CRY2: variants seen among roughly 807,000 people sequenced by gnomAD.
The protein encoded by CRY2 is cryptochrome circadian regulator 2, also known as cryptochrome-2.
CRY2 carries 31 observed loss-of-function variants against 69.5 expected under a neutral mutation model. That is an observed-to-expected ratio of 0.45 (90% confidence interval 0.34 to 0.60). CRY2 has a LOEUF of 0.60. Among genes scored for constraint, CRY2 ranks in the 20% least tolerant of loss-of-function variants. The pLI is 0.02. For synonymous variants in CRY2, 303 were observed against 312.2 expected (o/e 0.97, Z 0.31); for missense variants, 606 against 797.8 (o/e 0.76, Z 2.90).
chr11:45,882,782 G>A lies in CRY2; in HGVS notation c.*1871G>A. On this transcript the variant is annotated 3_prime_UTR_variant, in exon 12 of 12. Transcript: ENST00000616080. ...AAATCTGAGAGTGGGAAGGCCAAAG[G>A]CCGAGGCCCAGATTTAGTATTCACT... 2.5e-6 allele frequency: 1 copy of A among 398,608 alleles called. No individual in the cohort carries two copies. 24.7% of individuals were successfully genotyped at this position (398,608 alleles called of 1,614,324 possible).
At chr11:45,848,104 C>T (rs1272912844) in intron 1 of CRY2, among the ~76,000 whole-genome samples, 1 of 152,074 alleles carries the variant, frequency 6.6e-6, no homozygotes, top group African/African-American at 2.4e-5. Flanking sequence ...AGTGTGAGGG[C>T]GGGACGGGTT....
At chr11:45,855,343 G>C (rs1229957967) in intron 1 of CRY2, among the ~76,000 whole-genome samples, 1 of 152,192 alleles carries the variant, frequency 6.6e-6, no homozygotes. Context: ...GCAGAAATAC[G>C]CATGGCCCAG....
At chr11:45,862,007 G>T (rs2086292067) in intron 4 of CRY2, 53 bp from the exon 5 acceptor site, 3 of 1,467,582 alleles carry the variant, frequency 2.0e-6, no homozygotes, top group Non-Finnish European at 2.8e-6. Context: ...GCCGTGCCGG[G>T]CTATCACTGA....
At chr11:45,850,772 AC>A (rs1165998922) in intron 1 of CRY2, among the ~76,000 whole-genome samples, 4 of 152,082 alleles carry the variant, frequency 2.6e-5, no homozygotes, top group African/African-American at 9.7e-5. Flanking sequence ...AGGGCAAGGG[AC>A]CATCTGCAAG....
chr11:45,851,558 TCTG>T (rs1321491040), intron 1 of CRY2, among the ~76,000 whole-genome samples: 1 of 152,218 alleles, frequency 6.6e-6, no homozygotes, highest in Non-Finnish European at 1.5e-5. Flanking sequence ...ACTTTACTGT[TCTG>T]CTGCCAAGGA....
At chr11:45,865,069 G>GT (rs1366733725) in intron 5 of CRY2, among the ~76,000 whole-genome samples, 2 of 151,366 alleles carry the variant, frequency 1.3e-5, no homozygotes, top group African/African-American at 4.9e-5. Flanking sequence ...CAGAAATAAA[G>GT]TTTTTTAAAT....
intron 5 of CRY2, 23 bp downstream of exon 5, chr11:45,862,171 A>G: frequency 1.2e-6 from 2 of 1,604,630 alleles, no homozygotes; most frequent in East Asian, 4.5e-5. Context: ...TCTGAGACAC[A>G]GAGCTGCAGA....
chr11:45,870,570 C>T, intron 9 of CRY2, 38 bp downstream of exon 9: 1 of 1,606,228 alleles, frequency 6.2e-7, no homozygotes, highest in Non-Finnish European at 8.5e-7. Context: ...AAGGGAAGGA[C>T]AGCACCTACA....
chr11:45,863,015 G>A (rs914496635), intron 5 of CRY2, among the ~76,000 whole-genome samples: 12 of 152,212 alleles, frequency 7.9e-5, no homozygotes, highest in South Asian at 4.1e-4. Flanking sequence ...AGATGATGAC[G>A]ATAATAGAAC....
At chr11:45,862,229 AG>A (rs142867276) in intron 5 of CRY2, 81 bp downstream of exon 5, 41,727 of 1,323,292 alleles carry the variant, frequency 0.032, 806 homozygotes, top group Non-Finnish European at 0.038. Flanking sequence ...CATGTCCTTT[AG>A]TCCCTCTTAG....
At chr11:45,873,696 G>A (rs2086404430) in intron 11 of CRY2, among the ~76,000 whole-genome samples, 1 of 152,176 alleles carries the variant, frequency 6.6e-6, no homozygotes, top group South Asian at 2.1e-4. Context: ...CCATCCATAA[G>A]GATTGAACAG....
At chr11:45,848,169 C>T (rs569330027) in intron 1 of CRY2, among the ~76,000 whole-genome samples, 1 of 152,294 alleles carries the variant, frequency 6.6e-6, no homozygotes, top group East Asian at 1.9e-4. Flanking sequence ...CACTCCGAAG[C>T]CTCTGGCTCG....
At chr11:45,872,749 C>T (rs145528944) in intron 11 of CRY2, among the ~76,000 whole-genome samples, 2 of 152,068 alleles carry the variant, frequency 1.3e-5, no homozygotes, top group Non-Finnish European at 2.9e-5. Context: ...TGAGGGGTGG[C>T]GCTTTCTACC....
In CRY2 at chr11:45,881,935, C is replaced by T. The variant is rs2086476469; in HGVS notation, c.*1024C>T. ...GTTGGCTTCCAGGGCCTGTCCTGGACTTGTCAGCATCCAGACTGCCATGTC... is the reference window on the plus strand; with the variant it reads ...GTTGGCTTCCAGGGCCTGTCCTGGATTTGTCAGCATCCAGACTGCCATGTC... On this transcript the variant is annotated 3_prime_UTR_variant, in exon 12 of 12. Coordinates refer to ENST00000616080, the MANE Select transcript of CRY2 (RefSeq NM_021117.5). 6.6e-6 allele frequency: 1 copy of T among 152,300 alleles called. No homozygotes were observed. The highest frequency in any genetic ancestry group is 6.5e-5 in the Admixed American group (1 of 15,294). 9.4% of individuals were successfully genotyped at this position (152,300 alleles called of 1,614,324 possible).
intron 2 of CRY2, 107 bp from the exon 3 acceptor site, chr11:45,858,624 G>A: frequency 8.2e-7 from 1 of 1,224,160 alleles, no homozygotes; most frequent in Non-Finnish European, 1.1e-6. Flanking sequence ...CTGCCCATCA[G>A]ATAGGTCTCT....
At chr11:45,853,663 A>G (rs562357653) in intron 1 of CRY2, among the ~76,000 whole-genome samples, 1 of 152,354 alleles carries the variant, frequency 6.6e-6, no homozygotes, top group African/African-American at 2.4e-5. Context: ...TCCTGGGGTT[A>G]TGAAATTTAA....
chr11:45,866,274 G>A (rs1282783694), intron 5 of CRY2, among the ~76,000 whole-genome samples: 1 of 152,214 alleles, frequency 6.6e-6, no homozygotes, highest in Admixed American at 6.5e-5. Flanking sequence ...GGATGTGGTG[G>A]TTGTCTGCAA....
Position 45,882,644 on chromosome 11 carries a change from A to T in CRY2, c.*1733A>T, listed in dbSNP as rs2086484895. On this transcript the variant is annotated 3_prime_UTR_variant, in exon 12 of 12. Transcript: ENST00000616080. The stretch of plus-strand genomic sequence containing the variant: ...GTGGGAGGGGAGCAGGGCACAGGGG[A>T]TGGTGTGCATTCAGAGCATTGGGTT... The T allele has an allele frequency of 7.5e-6, 3 of 398,890 alleles. No individual in the cohort carries two copies. The highest frequency in any genetic ancestry group is 6.2e-5 in the African/African-American group (3 of 48,608). 24.7% of individuals were successfully genotyped at this position (398,890 alleles called of 1,614,324 possible).
At chr11:45,860,806 A>C in intron 3 of CRY2, 42 bp from the exon 4 acceptor site, 1 of 1,595,472 alleles carries the variant, frequency 6.3e-7, no homozygotes, top group East Asian at 2.2e-5. Context: ...CCCACATCAC[A>C]GGGCCATGTG....
Sources: gnomAD v4.1 joint callset for allele counts (sites outside exome capture counted in the v4.1 genomes callset) on GRCh38, gnomAD v4.1.1 for gene constraint, MANE v1.5 for transcripts, NCBI Gene and HGNC (gene_info 2026-07-23, HGNC 2026-07-21) for gene names.